TNRC6B: variants seen among roughly 807,000 people sequenced by gnomAD.
TNRC6B encodes trinucleotide repeat-containing gene 6B protein.
Under a neutral mutation model 203.6 loss-of-function variants are expected in TNRC6B, and 52 were observed. The ratio of observed to expected loss-of-function variants is 0.26; its 90% CI spans 0.20 to 0.32. TNRC6B has a LOEUF of 0.32. TNRC6B is among the 10% of genes least tolerant of loss of function. The pLI is 1.00. For missense variants in TNRC6B, 1,923 were observed against 2,286.2 expected (o/e 0.84, Z 3.24); for synonymous variants, 838 against 845.7 (o/e 0.99, Z 0.16).
In TNRC6B at chr22:40,323,195, C is replaced by G; in HGVS notation, c.5456C>G (p.Pro1819Arg). 1 of 1,613,552 alleles carries G rather than the reference C, an allele frequency of 6.2e-7. No individual in the cohort carries two copies. Among genetic ancestry groups the G allele is most frequent in the Non-Finnish European group, 8.5e-7 (1 of 1,179,878 alleles). ...EDPHRMGSPA[P>R]LLPGDLLGGG... is the part of the protein sequence containing the mutation. ...CCCCATAGGATGGGCAGCCCTGCTC[C>G]TTTACTACCTGGTGACCTTCTGGGA... The change falls in exon 23 of 23, where the codon CCT (proline) becomes CGT (arginine). Residue 1819 changes from proline (P) to arginine (R), a missense_variant. This residue lies in a region of TNRC6B where 126 missense variants were observed against 137.5 expected (regional missense o/e 0.92). Coordinates refer to ENST00000454349, the MANE Select transcript of TNRC6B (RefSeq NM_001162501.2).
intron 3 of TNRC6B, among the ~76,000 whole-genome samples, chr22:40,152,574 C>T (rs961111785): frequency 2.2e-4 from 34 of 151,950 alleles, no homozygotes; most frequent in Non-Finnish European, 4.1e-4. Flanking sequence ...GTGATCCGCC[C>T]GCCTTGGCCT....
At chr22:40,233,306 A>C (rs2069902958) in intron 1 of TNRC6B, among the ~76,000 whole-genome samples, 1 of 141,916 alleles carries the variant, frequency 7.0e-6, no homozygotes, top group Admixed American at 7.0e-5. Context: ...TGGGCGACAA[A>C]GCAAGACTCG....
rs1339557151 is a variant in TNRC6B, at chr22:40,124,927, C to T, written c.-46-845C>T. On this transcript the variant is annotated intron_variant, in intron 2 of 23. Coordinates refer to the TNRC6B transcript ENST00000301923. ...ACTTGGGAGACTGAGGCAGGAGCAT[C>T]GCTTGAACCCAGGAGGTGGAGGTTG... 2.4e-4 allele frequency among the ~76,000 whole-genome samples: 37 copies of T among 151,772 alleles called. 1 individual carries two copies. Among genetic ancestry groups the T allele is most frequent in the Non-Finnish European group, 5.9e-5 (4 of 67,980 alleles).
chr22:40,265,160 C>T lies in TNRC6B; in HGVS notation c.930C>T (p.Ala310=). The part of the protein sequence containing the change: ...SNFNPNSNPS[A]WPALVQEGTS... Reference sequence around the variant, plus strand: ...TTAACCCAAATAGCAACCCATCTGCCTGGCCAGCACTGGTCCAAGAAGGAA... The same window carrying T: ...TTAACCCAAATAGCAACCCATCTGCTTGGCCAGCACTGGTCCAAGAAGGAA... The change falls in exon 5 of 23, where the codon GCC becomes GCT. Residue 310 remains alanine (A), a synonymous_variant. Transcript: ENST00000454349. The T allele has an allele frequency of 6.2e-7, 1 of 1,613,988 alleles. No individual in the cohort carries two copies. The highest frequency in any genetic ancestry group is 1.1e-5 in the South Asian group (1 of 91,084).
At chr22:40,241,442 A>C (rs756283543) in intron 1 of TNRC6B, among the ~76,000 whole-genome samples, 3 of 152,226 alleles carry the variant, frequency 2.0e-5, no homozygotes, top group Non-Finnish European at 4.4e-5. Flanking sequence ...ATTTGGAACA[A>C]TTCCTCAATC....
chr22:40,313,063 G>A, intron 19 of TNRC6B, 66 bp downstream of exon 19: 1 of 1,260,284 alleles, frequency 7.9e-7, no homozygotes, highest in Non-Finnish European at 1.1e-6. Flanking sequence ...TTTTATAAAG[G>A]AAACTGGCAT....
intron 1 of TNRC6B, among the ~76,000 whole-genome samples, chr22:40,205,910 C>A (rs2069471149): frequency 6.6e-6 from 1 of 152,162 alleles, no homozygotes; most frequent in Non-Finnish European, 1.5e-5. Context: ...GGATTTTATT[C>A]TTCTCATCTG....
chr22:40,218,324 C>CTTTTTTTTTTTTTTTTTTTTTTTGTT (rs71199275), intron 1 of TNRC6B, among the ~76,000 whole-genome samples: 1 of 97,460 alleles, frequency 1.0e-5, no homozygotes, highest in Non-Finnish European at 2.0e-5. Context: ...TTTTTCTTTT[C>CTTTTTTTTTTTTTTTTTTTTTTTGTT]TTTTTTTTTT....
intron 1 of TNRC6B, among the ~76,000 whole-genome samples, chr22:40,079,761 GGCAT>G (rs1157660616): frequency 6.6e-6 from 1 of 151,698 alleles, no homozygotes; most frequent in Non-Finnish European, 1.5e-5. Flanking sequence ...TGGAATTACA[GGCAT>G]GTACCACCAC....
intron 1 of TNRC6B, among the ~76,000 whole-genome samples, chr22:40,101,271 C>T (rs1396156163): frequency 1.3e-5 from 2 of 152,090 alleles, no homozygotes; most frequent in Non-Finnish European, 2.9e-5. Context: ...GGATTACAGG[C>T]GTGAGCCACC....
intron 1 of TNRC6B, among the ~76,000 whole-genome samples, chr22:40,068,205 TC>T (rs2067913219): frequency 6.6e-6 from 1 of 152,198 alleles, no homozygotes; most frequent in Non-Finnish European, 1.5e-5. Context: ...GCTTTTATTT[TC>T]TGTAATTTCA....
chr22:40,263,579 C>T (rs540905052), intron 4 of TNRC6B, among the ~76,000 whole-genome samples: 30 of 152,188 alleles, frequency 2.0e-4, no homozygotes, highest in Non-Finnish European at 2.8e-4. Flanking sequence ...TCTATGCCTC[C>T]GTATAATACT....
chr22:40,319,368 T>C (rs1048051330), intron 21 of TNRC6B, among the ~76,000 whole-genome samples: 6 of 151,620 alleles, frequency 4.0e-5, no homozygotes, highest in Non-Finnish European at 8.8e-5. Context: ...AAGATGTTTT[T>C]AGAGAAAGAC....
At chr22:40,293,193 T>TTC (rs1555897720) in intron 12 of TNRC6B, among the ~76,000 whole-genome samples, 1 of 137,140 alleles carries the variant, frequency 7.3e-6, no homozygotes, top group Non-Finnish European at 1.6e-5. Context: ...TCCTTTTCTT[T>TTC]TTTTTTTTTT....
chr22:40,093,699 A>G (rs1175664879), intron 1 of TNRC6B, among the ~76,000 whole-genome samples: 1 of 152,224 alleles, frequency 6.6e-6, no homozygotes, highest in Non-Finnish European at 1.5e-5. Context: ...GTAGAAGAGT[A>G]TTTTTGAGCT....
intron 21 of TNRC6B, among the ~76,000 whole-genome samples, chr22:40,318,245 C>G (rs2146574236): frequency 6.6e-6 from 1 of 152,212 alleles, no homozygotes; most frequent in South Asian, 2.1e-4. Context: ...CTAATCAACT[C>G]AGCTCAAAGT....
At position 40,285,818 on chromosome 22, in the gene TNRC6B, A is replaced by G. The variant is rs754392393; in HGVS notation, c.3708+48A>G. The G allele has an allele frequency of 1.7e-5, 27 of 1,604,304 alleles. No homozygotes were observed. In the East Asian group the frequency reaches 3.8e-4, roughly 23 times the overall value. On this transcript the variant is annotated intron_variant, in intron 12 of 22. Coordinates refer to ENST00000454349, the MANE Select transcript of TNRC6B (RefSeq NM_001162501.2). ...GATTCAAAATGAAAGACCATTTCAC[A>G]TCATTACCAGTTGTTAACTGATTTT...
Position 40,323,777 on chromosome 22 carries a change from C to CA in TNRC6B, c.*542dup, listed in dbSNP as rs1414766285. 1 of 145,942 alleles carries CA rather than the reference C, an allele frequency of 6.9e-6. No homozygotes were observed. The highest frequency in any genetic ancestry group is 2.5e-5 in the African/African-American group (1 of 39,292). 9.0% of individuals were successfully genotyped at this position (145,942 alleles called of 1,614,324 possible). A position where few individuals can be genotyped will look rare whatever the true frequency, so the allele number is the denominator to read the frequency against. On this transcript the variant is annotated 3_prime_UTR_variant, in exon 23 of 23. Coordinates refer to ENST00000454349, the MANE Select transcript of TNRC6B (RefSeq NM_001162501.2). ...GAGCCTCACTTTAAAAACAAAAACA[C>CA]AAAAAACCTAAAAAAAAAAAAAAGG...
intron 1 of TNRC6B, among the ~76,000 whole-genome samples, chr22:40,195,612 A>C (rs1323669845): frequency 1.3e-5 from 2 of 152,082 alleles, no homozygotes; most frequent in African/African-American, 2.4e-5. Flanking sequence ...GGTGCACACC[A>C]CCACACCTGG....
Sources: gnomAD v4.1 joint callset for allele counts (sites outside exome capture counted in the v4.1 genomes callset) on GRCh38, gnomAD v4.1.1 for gene constraint, gnomAD v4.1.1 regional missense constraint, MANE v1.5 for transcripts, NCBI Gene and HGNC (gene_info 2026-07-23, HGNC 2026-07-21) for gene names.